FUT8: variants seen among roughly 807,000 people sequenced by gnomAD.
The protein encoded by FUT8 is alpha-(1,6)-fucosyltransferase.
Under a neutral mutation model 71.3 loss-of-function variants are expected in FUT8, and 29 were observed. That is an observed-to-expected ratio of 0.41 (90% CI 0.30 to 0.55). The LOEUF (loss-of-function observed/expected upper bound fraction) is 0.55, where lower values mean the gene tolerates loss of function less well. Ranked by LOEUF, FUT8 falls within the 20% of genes least tolerant of loss-of-function variation. The pLI, the probability that FUT8 is intolerant of heterozygous loss-of-function variation, is 0.34. For missense variants in FUT8, 544 were observed against 702.1 expected, an observed-to-expected ratio of 0.77 and a Z score of 2.55; for synonymous variants, 254 against 239.3, an observed-to-expected ratio of 1.06 and a Z score of -0.57.
At chr14:65,616,966 A>G (rs532541886) in intron 5 of FUT8, 80 of 1,136,002 alleles carry the variant, frequency 7.0e-5, no homozygotes, top group Admixed American at 5.1e-4. Context: ...TTTATCTTCC[A>G]CAGAAAAGAA....
chr14:65,377,810 G>A, the FUT8 span, among the ~76,000 whole-genome samples: 1 of 152,126 alleles, frequency 6.6e-6, no homozygotes, highest in South Asian at 2.1e-4. Context: ...AGGAGAACCA[G>A]TTGTGAAATT....
intron 2 of FUT8, among the ~76,000 whole-genome samples, chr14:65,538,709 C>T (rs1884494430): frequency 6.6e-6 from 1 of 152,142 alleles, no homozygotes; most frequent in South Asian, 2.1e-4. Flanking sequence ...TGCCTGAGGT[C>T]AGGAGTTCGA....
intron 7 of FUT8, among the ~76,000 whole-genome samples, chr14:65,707,039 G>C (rs544543793): frequency 6.6e-6 from 1 of 152,228 alleles, no homozygotes; most frequent in South Asian, 2.1e-4. Context: ...TGGAATGGCA[G>C]GGCTCTCTTG....
At chr14:65,727,252 T>G (rs989567989) in intron 9 of FUT8, among the ~76,000 whole-genome samples, 1 of 152,200 alleles carries the variant, frequency 6.6e-6, no homozygotes, top group Non-Finnish European at 1.5e-5. Context: ...GGACTCTGTG[T>G]GGGGGCTCTG....
At chr14:65,419,308 G>A (rs181312101) in intron 1 of FUT8, among the ~76,000 whole-genome samples, 1 of 152,078 alleles carries the variant, frequency 6.6e-6, no homozygotes, top group Admixed American at 6.6e-5. Flanking sequence ...TAACCTTCAT[G>A]TGCCTCATTA....
At chr14:65,506,017 C>T (rs1258857277) in intron 2 of FUT8, among the ~76,000 whole-genome samples, 1 of 152,146 alleles carries the variant, frequency 6.6e-6, no homozygotes, top group Non-Finnish European at 1.5e-5. Context: ...GTAAAGGGTT[C>T]AGAGGTGACT....
At position 65,511,858 on chromosome 14, in the gene FUT8, G is replaced by A. The variant is rs1016304523; in HGVS notation, c.-227-49479G>A. Among the ~76,000 whole-genome samples, 6 of 152,076 alleles carry A rather than the reference G, an allele frequency of 3.9e-5. No homozygotes were observed. In the East Asian group the frequency reaches 5.8e-4, roughly 15 times the overall value. On this transcript the variant is annotated intron_variant, in intron 2 of 10. Coordinates refer to ENST00000673929, the MANE Select transcript of FUT8 (RefSeq NM_001371533.1). ...TTTTTTAAATCCATTCAGCTATCCC[G>A]AGTCTTGTGATTGGTGAGTTTAGTC...
chr14:65,569,355 A>G (rs1025260423), intron 3 of FUT8, among the ~76,000 whole-genome samples: 3 of 151,824 alleles, frequency 2.0e-5, no homozygotes, highest in Middle Eastern at 3.4e-3. Context: ...ATGTATTATT[A>G]AACTTATTTT....
chr14:65,535,111 A>T (rs1391735062), intron 2 of FUT8, among the ~76,000 whole-genome samples: 3 of 149,654 alleles, frequency 2.0e-5, no homozygotes, highest in South Asian at 2.1e-4. Flanking sequence ...ATTTTATTTT[A>T]TTTTTTTTGA....
At position 65,677,149 on chromosome 14, in the gene FUT8, T is replaced by TGTGTGTGTGTGC. The variant is rs1555383277; in HGVS notation, c.835+7672_835+7673insTGTGTGTGCGTG. 3.5e-5 allele frequency among the ~76,000 whole-genome samples: 3 copies of TGTGTGTGTGTGC among 84,530 alleles called. No homozygotes were observed. The South Asian group carries it at 1.0e-3, about 28-fold the overall frequency. 55.5% of individuals were successfully genotyped at this position (84,530 alleles called of 152,430 possible). A position where few individuals can be genotyped will look rare whatever the true frequency, so the allele number is the denominator to read the frequency against. ...GTGTGTGTGTGTGTGTGTGTGTGTG[T>TGTGTGTGTGTGC]GTGCGCGCGCGCATGCGCGCGCACG... On this transcript the variant is annotated intron_variant, in intron 7 of 10. Transcript: ENST00000673929.
At position 65,724,144 on chromosome 14, in the gene FUT8, C is replaced by T. The variant is rs1364532410; in HGVS notation, c.1083-3C>T. 2 of 1,568,812 alleles carry T rather than the reference C, an allele frequency of 1.3e-6. No homozygotes were observed. Among genetic ancestry groups the T allele is most frequent in the Non-Finnish European group, 1.7e-6 (2 of 1,159,924 alleles). On this transcript the variant is annotated splice_region_variant and splice_polypyrimidine_tract_variant and intron_variant, in intron 8 of 10. Transcript: ENST00000673929. ...ACCAGTAGAATCTGAATTTCTCCCC[C>T]AGAGTCCATGTCAGACGCACAGACA...
At chr14:65,561,801 A>T (rs1168435337) in intron 3 of FUT8, 35 bp downstream of exon 3, 1 of 1,548,574 alleles carries the variant, frequency 6.5e-7, no homozygotes, top group Admixed American at 1.7e-5. Context: ...GAATGATGAA[A>T]TATTGTACTT....
chr14:65,364,449 C>T, the FUT8 span, among the ~76,000 whole-genome samples: 3 of 152,078 alleles, frequency 2.0e-5, no homozygotes, highest in Non-Finnish European at 2.9e-5. Context: ...GTGATCTGCC[C>T]GCCTCGGCCT....
chr14:65,385,483 C>T, the FUT8 span, among the ~76,000 whole-genome samples: 3 of 151,956 alleles, frequency 2.0e-5, no homozygotes, highest in African/African-American at 7.2e-5. Context: ...TTATAAATAC[C>T]AACACCAAAT....
chr14:65,426,821 G>A (rs1323921111), intron 1 of FUT8, among the ~76,000 whole-genome samples: 1 of 152,116 alleles, frequency 6.6e-6, no homozygotes, highest in Non-Finnish European at 1.5e-5. Context: ...TGAATCCTGT[G>A]TGTGTGAGCA....
At chr14:65,366,654 C>G in the FUT8 span, among the ~76,000 whole-genome samples, 39,330 of 151,960 alleles carry the variant, frequency 0.26, 5,561 homozygotes, top group East Asian at 0.57. Flanking sequence ...CTTAAAAGGC[C>G]TACCTCATCT....
intron 2 of FUT8, among the ~76,000 whole-genome samples, chr14:65,474,306 A>G (rs149570937): frequency 2.0e-5 from 3 of 151,678 alleles, no homozygotes; most frequent in Admixed American, 6.6e-5. Context: ...TAAAAAAGAT[A>G]TTTAAAAAAA....
In FUT8 at chr14:65,467,214, C is replaced by G. The variant is rs1282579318; in HGVS notation, c.-228+11496C>G. 6.6e-6 allele frequency among the ~76,000 whole-genome samples: 1 copy of G among 152,068 alleles called. No homozygotes were observed. The highest frequency in any genetic ancestry group is 1.5e-5 in the Non-Finnish European group (1 of 68,018). On this transcript the variant is annotated intron_variant, in intron 2 of 10. Coordinates refer to ENST00000673929, the MANE Select transcript of FUT8 (RefSeq NM_001371533.1). The surrounding 1 kb of genome is among the most constrained non-coding windows in gnomAD (Gnocchi z 4.1). ...ATTTCAGAAAGTCTTTATTTCTTCACTTTTGGAGGATACTTTTGCTGGGAT... is the reference window on the plus strand; with the variant it reads ...ATTTCAGAAAGTCTTTATTTCTTCAGTTTTGGAGGATACTTTTGCTGGGAT...
At chr14:65,626,389 G>T (rs1889896525) in intron 5 of FUT8, among the ~76,000 whole-genome samples, 2 of 152,144 alleles carry the variant, frequency 1.3e-5, no homozygotes, top group South Asian at 4.1e-4. Flanking sequence ...GGTATGTCTG[G>T]CTCCCAAAGC....
Sources: allele counts gnomAD v4.1 joint callset (sites outside exome capture counted in the v4.1 genomes callset), GRCh38; gene constraint gnomAD v4.1.1; non-coding constraint Gnocchi (gnomAD v3.1); transcripts MANE v1.5; gene names NCBI Gene and HGNC (gene_info 2026-07-23, HGNC 2026-07-21).